Variants in SNX8 observed in about 807,000 individuals in gnomAD.
SNX8 encodes the protein sorting nexin-8.
SNX8 carries 25 observed loss-of-function variants against 51.6 expected under a neutral mutation model. That is an observed-to-expected ratio of 0.48 (90% CI 0.35 to 0.68). The LOEUF is 0.68. SNX8 is among the 30% of genes least tolerant of loss of function. The pLI is 0.00. For synonymous variants in SNX8, 324 were observed against 277.0 expected (o/e 1.17, Z -1.68); for missense variants, 695 against 624.0 (o/e 1.11, Z -1.21).
At chr7:2,297,662 G>C (rs1445745412) in intron 1 of SNX8, among the ~76,000 whole-genome samples, 1 of 150,392 alleles carries the variant, frequency 6.6e-6, no homozygotes, top group Non-Finnish European at 1.5e-5. Flanking sequence ...CCGATGAGTA[G>C]ATGCAGAAAA....
chr7:2,282,143 G>A (rs1340106554), intron 1 of SNX8, among the ~76,000 whole-genome samples: 2 of 152,214 alleles, frequency 1.3e-5, no homozygotes, highest in African/African-American at 2.4e-5. Flanking sequence ...CATTCAATAA[G>A]TGTCCCTGAC....
intron 7 of SNX8, among the ~76,000 whole-genome samples, chr7:2,259,793 CAGAAG>C (rs1795292038): frequency 6.6e-6 from 1 of 152,098 alleles, no homozygotes; most frequent in Admixed American, 6.5e-5. Context: ...CCTGGCCCAG[CAGAAG>C]AGGGGGAGTT....
intron 6 of SNX8, 30 bp from the exon 7 acceptor site, chr7:2,263,392 C>T: frequency 6.4e-7 from 1 of 1,556,758 alleles, no homozygotes. Context: ...GGAGAGGAGA[C>T]ACTCAAGGCC....
At chr7:2,303,982 A>T (rs891417196) in intron 1 of SNX8, among the ~76,000 whole-genome samples, 1 of 150,030 alleles carries the variant, frequency 6.7e-6, no homozygotes, top group Non-Finnish European at 1.5e-5. Flanking sequence ...AAAAATAAAA[A>T]AAAATAAAAA....
intron 1 of SNX8, among the ~76,000 whole-genome samples, chr7:2,338,047 C>T (rs762643440): frequency 6.6e-6 from 1 of 152,072 alleles, no homozygotes; most frequent in African/African-American, 2.4e-5. Flanking sequence ...GCGAAAGGGC[C>T]AGGCGCAGTG....
intron 1 of SNX8, among the ~76,000 whole-genome samples, chr7:2,283,526 T>C (rs112023656): frequency 0.02 from 3,005 of 152,354 alleles, 39 homozygotes; most frequent in South Asian, 0.043. Flanking sequence ...TGGTTCCTAC[T>C]GTCCCGTTTA....
chr7:2,264,705 CA>C (rs1487759650), intron 5 of SNX8, among the ~76,000 whole-genome samples: 4 of 152,190 alleles, frequency 2.6e-5, no homozygotes, highest in African/African-American at 9.7e-5. Flanking sequence ...CCACAGAGTC[CA>C]CTGAAATCTC....
At chr7:2,325,163 CAG>C (rs575616572) in intron 1 of SNX8, among the ~76,000 whole-genome samples, 19 of 152,108 alleles carry the variant, frequency 1.2e-4, no homozygotes, top group African/African-American at 4.6e-4. Flanking sequence ...TTTTTAGAGA[CAG>C]AGTTTTGCTC....
At chr7:2,276,655 A>G (rs1410478690) in intron 2 of SNX8, among the ~76,000 whole-genome samples, 1 of 151,840 alleles carries the variant, frequency 6.6e-6, no homozygotes, top group Admixed American at 6.6e-5. Flanking sequence ...AAAAAAAAAA[A>G]AAAAAAAGAC....
intron 1 of SNX8, among the ~76,000 whole-genome samples, chr7:2,339,411 A>G (rs1778884074): frequency 6.6e-6 from 1 of 150,974 alleles, no homozygotes; most frequent in African/African-American, 2.4e-5. Context: ...GGGTTTCACC[A>G]TGTTGGCCAA....
intron 1 of SNX8, among the ~76,000 whole-genome samples, chr7:2,326,522 C>T (rs957358276): frequency 7.9e-5 from 12 of 151,794 alleles, no homozygotes; most frequent in South Asian, 2.1e-4. Context: ...AAAAATTAGC[C>T]GGGCGTGGTG....
intron 1 of SNX8, among the ~76,000 whole-genome samples, chr7:2,312,652 G>A (rs370644235): frequency 1.3e-5 from 2 of 151,768 alleles, no homozygotes; most frequent in Non-Finnish European, 2.9e-5. Flanking sequence ...GCCGTTTCTC[G>A]CCGACGAAGA....
intron 1 of SNX8, among the ~76,000 whole-genome samples, chr7:2,320,304 AT>A (rs574190808): frequency 6.6e-6 from 1 of 151,724 alleles, no homozygotes; most frequent in Non-Finnish European, 1.5e-5. Flanking sequence ...GTGGGGGAGG[AT>A]TTTTTTTAAA....
chr7:2,257,576 C>G (rs756661052), intron 8 of SNX8, 62 bp from the exon 9 acceptor site: 11 of 1,589,366 alleles, frequency 6.9e-6, no homozygotes, highest in Admixed American at 6.8e-5. Context: ...CCCTGCGGAG[C>G]CGGCCGAGGG....
intron 1 of SNX8, among the ~76,000 whole-genome samples, chr7:2,334,231 GTCTCT>G (rs1778786047): frequency 2.0e-5 from 3 of 151,996 alleles, no homozygotes; most frequent in African/African-American, 7.2e-5. Context: ...GTGAAACCCC[GTCTCT>G]ACTAAAAATA....
intron 1 of SNX8, among the ~76,000 whole-genome samples, chr7:2,301,427 G>A (rs149751541): frequency 4.6e-5 from 7 of 152,194 alleles, no homozygotes; most frequent in Non-Finnish European, 1.0e-4. Flanking sequence ...AGGCTGAGCC[G>A]ATGGTGTTAG....
At chr7:2,255,780 G>A (rs1017601067) in intron 10 of SNX8, among the ~76,000 whole-genome samples, 28 of 152,198 alleles carry the variant, frequency 1.8e-4, no homozygotes, top group African/African-American at 6.0e-4. Flanking sequence ...GAATGCAAAC[G>A]GCGGCCCCAC....
At chr7:2,345,657 GC>G (rs1309892198) in intron 1 of SNX8, among the ~76,000 whole-genome samples, 1 of 150,110 alleles carries the variant, frequency 6.7e-6, no homozygotes, top group Non-Finnish European at 1.5e-5. Flanking sequence ...TCTAGCCTGG[GC>G]GAGACAGAGT....
chr7:2,263,314 A>C lies in SNX8; in HGVS notation c.831T>G (p.Asn277Lys). Residue 277 changes from asparagine (N) to lysine (K), a missense_variant, in exon 7 of 11, where the codon AAT (asparagine) becomes AAG (lysine). Coordinates refer to ENST00000222990, the MANE Select transcript of SNX8 (RefSeq NM_013321.4). ...GCTTCAGGGACCCCCACGTGCTGCT[A>C]TTCAGAGCGGCCCAGGAGGGCAGCG... is the stretch of plus-strand genomic sequence containing the variant. Reference protein sequence around the residue: ...TTPLPSWAALNSSTWGSLKQA... With the variant: ...TTPLPSWAALKSSTWGSLKQA... 6.2e-7 allele frequency: 1 copy of C among 1,613,588 alleles called. No individual in the cohort carries two copies. Among genetic ancestry groups the C allele is most frequent in the South Asian group, 1.1e-5 (1 of 91,016 alleles).
Sources: allele counts gnomAD v4.1 joint callset (sites outside exome capture counted in the v4.1 genomes callset), GRCh38; gene constraint gnomAD v4.1.1; transcripts MANE v1.5; gene names NCBI Gene and HGNC (gene_info 2026-07-23, HGNC 2026-07-21).